GPR89A: variants seen among roughly 807,000 people sequenced by gnomAD.
GPR89A encodes the protein golgi pH regulator A, also known as G protein-coupled receptor 89A.
Under a neutral mutation model 52.0 loss-of-function variants are expected in GPR89A, and 16 were observed. The observed-to-expected ratio is 0.31, with a 90% CI of 0.21 to 0.47. GPR89A has a LOEUF of 0.47. Among genes scored for constraint, GPR89A ranks in the 20% least tolerant of loss-of-function variants. The probability of loss-of-function intolerance (pLI) is 1.00; values close to 1 mark genes in which losing one functional copy is unlikely to be tolerated. For synonymous variants in GPR89A, 55 were observed against 150.9 expected (o/e 0.36, Z 4.66); for missense variants, 135 against 449.4 (o/e 0.30, Z 6.33).
Position 145,623,452 on chromosome 1 carries a change from C to G in GPR89A, c.314-161C>G, listed in dbSNP as rs587598380. 37 of 851,000 alleles carry G rather than the reference C, an allele frequency of 4.3e-5. No homozygotes were observed. The South Asian group carries it at 6.2e-4, about 14-fold the overall frequency. The allele number at this position is 851,000 out of a possible 1,614,324, so 52.7% of individuals were successfully genotyped here. A position where few individuals can be genotyped will look rare whatever the true frequency, so the allele number is the denominator to read the frequency against. On this transcript the variant is annotated intron_variant, in intron 4 of 13. Coordinates refer to ENST00000313835, the MANE Select transcript of GPR89A (RefSeq NM_001097612.2). The stretch of plus-strand genomic sequence containing the variant: ...CTTAAATTCAGCTAAATTTCTCTTA[C>G]GATGGTAAGGATGCTTTCACTAAAA...
At chr1:145,623,009 C>T in intron 3 of GPR89A, 45 bp from the exon 4 acceptor site, 1 of 1,596,358 alleles carries the variant, frequency 6.3e-7, no homozygotes, top group South Asian at 1.1e-5. Flanking sequence ...AAGAAAGTTG[C>T]TGCCCTCTCT....
intron 12 of GPR89A, among the ~76,000 whole-genome samples, chr1:145,667,213 G>T (rs587700124): frequency 1.3e-5 from 2 of 152,298 alleles, no homozygotes; most frequent in South Asian, 4.1e-4. Flanking sequence ...CAGTGTAAAA[G>T]TGTTCCTGTT....
intron 9 of GPR89A, chr1:145,646,719 A>G (rs1342034528): frequency 9.0e-6 from 2 of 221,334 alleles, no homozygotes; most frequent in Non-Finnish European, 1.8e-5. Context: ...AAAATAAAAT[A>G]TAATTTAAAT....
At chr1:145,626,296 G>A (rs1649492625) in intron 5 of GPR89A, among the ~76,000 whole-genome samples, 1 of 151,934 alleles carries the variant, frequency 6.6e-6, no homozygotes, top group African/African-American at 2.4e-5. Flanking sequence ...TTTCTCCTGT[G>A]TGCATTCAGC....
intron 10 of GPR89A, among the ~76,000 whole-genome samples, chr1:145,661,680 G>A (rs1652212947): frequency 6.7e-6 from 1 of 149,406 alleles, no homozygotes; most frequent in Non-Finnish European, 1.5e-5. Flanking sequence ...TCTGGTCTTT[G>A]TTATTTCCTT....
chr1:145,609,993 T>A (rs1479343314), intron 1 of GPR89A, among the ~76,000 whole-genome samples: 7 of 152,220 alleles, frequency 4.6e-5, no homozygotes, highest in Admixed American at 6.5e-5. Flanking sequence ...ATGTTTTATT[T>A]TCTTCTTGGC....
intron 8 of GPR89A, chr1:145,645,935 T>C: frequency 1.7e-6 from 1 of 600,146 alleles, no homozygotes; most frequent in Non-Finnish European, 3.0e-6. Context: ...AAACCATCTG[T>C]TTGAGCTGCT....
At position 145,657,073 on chromosome 1, in the gene GPR89A, G is replaced by T. The variant is rs587700416; in HGVS notation, c.910-6256G>T. On this transcript the variant is annotated intron_variant, in intron 10 of 13. Coordinates refer to ENST00000313835, the MANE Select transcript of GPR89A (RefSeq NM_001097612.2). ...GAATTATCATTTTTCTATTTTGTTA[G>T]ATTCAATTTGCTAAAATTATGTTAA... is the stretch of plus-strand genomic sequence containing the variant. 7.3e-3 allele frequency among the ~76,000 whole-genome samples: 1,104 copies of T among 151,618 alleles called. 12 individuals are homozygous for T. Among genetic ancestry groups the T allele is most frequent in the Non-Finnish European group, 0.012 (795 of 67,978 alleles).
intron 11 of GPR89A, among the ~76,000 whole-genome samples, chr1:145,665,120 G>A (rs2784403): frequency 9.4e-4 from 143 of 152,074 alleles, no homozygotes; most frequent in African/African-American, 3.4e-3. Context: ...CCTGCTTTTC[G>A]TTTATCACAG....
At chr1:145,657,525 C>T (rs1288691843) in intron 10 of GPR89A, among the ~76,000 whole-genome samples, 3 of 152,040 alleles carry the variant, frequency 2.0e-5, no homozygotes, top group African/African-American at 7.3e-5. Flanking sequence ...AGTACTGCCA[C>T]CTCTTTAAAT....
chr1:145,665,982 A>G (rs1299930961), intron 12 of GPR89A, among the ~76,000 whole-genome samples: 1 of 147,566 alleles, frequency 6.8e-6, no homozygotes, highest in Non-Finnish European at 1.5e-5. Flanking sequence ...AAAGAGCAAC[A>G]CTCCATCTCA....
intron 3 of GPR89A, among the ~76,000 whole-genome samples, chr1:145,621,032 A>G (rs1160979018): frequency 6.6e-6 from 1 of 152,178 alleles, no homozygotes; most frequent in African/African-American, 2.4e-5. Flanking sequence ...AGTAGTTGTT[A>G]ACCTAGAGGA....
intron 7 of GPR89A, among the ~76,000 whole-genome samples, chr1:145,641,255 T>C (rs587740694): frequency 6.6e-6 from 1 of 151,636 alleles, no homozygotes; most frequent in South Asian, 2.1e-4. Flanking sequence ...CCCCAAAGAA[T>C]ATATACCGTA....
intron 11 of GPR89A, among the ~76,000 whole-genome samples, chr1:145,663,851 G>C (rs1357677854): frequency 6.6e-6 from 1 of 151,730 alleles, no homozygotes; most frequent in Non-Finnish European, 1.5e-5. Flanking sequence ...TTAGTGTTCT[G>C]TGTTAGAGCT....
At chr1:145,639,341 C>T (rs1650470499) in intron 7 of GPR89A, among the ~76,000 whole-genome samples, 1 of 151,970 alleles carries the variant, frequency 6.6e-6, no homozygotes, top group Admixed American at 6.5e-5. Flanking sequence ...TTAAAAAGAA[C>T]AGTATGAGAG....
At chr1:145,628,316 A>T (rs1425415710) in intron 5 of GPR89A, among the ~76,000 whole-genome samples, 1 of 152,212 alleles carries the variant, frequency 6.6e-6, no homozygotes, top group Non-Finnish European at 1.5e-5. Context: ...GCAATTAGAG[A>T]AGTAAAAGGG....
intron 10 of GPR89A, among the ~76,000 whole-genome samples, chr1:145,647,865 CTCTCTCTCTCTCTCTATATATA>C (rs1651145232): frequency 1.2e-5 from 1 of 85,122 alleles, no homozygotes; most frequent in African/African-American, 4.8e-5. Context: ...CTCTCTCTCT[CTCTCTCTCTCTCTCTATATATA>C]TATATATATA....
intron 5 of GPR89A, among the ~76,000 whole-genome samples, chr1:145,626,244 C>T (rs1649488484): frequency 6.6e-6 from 1 of 151,558 alleles, no homozygotes; most frequent in Non-Finnish European, 1.5e-5. Context: ...AATACAGTCT[C>T]ACATGCACTA....
intron 1 of GPR89A, among the ~76,000 whole-genome samples, chr1:145,611,824 T>C (rs587621331): frequency 6.6e-6 from 1 of 152,024 alleles, no homozygotes; most frequent in African/African-American, 2.4e-5. Context: ...TCTCCACCGG[T>C]AAATATTTAT....
Sources: allele counts gnomAD v4.1 joint callset (sites outside exome capture counted in the v4.1 genomes callset), GRCh38; gene constraint gnomAD v4.1.1; transcripts MANE v1.5; gene names NCBI Gene and HGNC (gene_info 2026-07-23, HGNC 2026-07-21).